Variants in NDST4 observed in about 807,000 individuals in gnomAD.
NDST4 encodes the protein N-heparan sulfate sulfotransferase 4.
Under a neutral mutation model 100.8 loss-of-function variants are expected in NDST4, and 63 were observed. The ratio of observed to expected loss-of-function variants is 0.62; its 90% CI spans 0.51 to 0.77. The LOEUF (loss-of-function observed/expected upper bound fraction) is 0.77, where lower values mean the gene tolerates loss of function less well. Ranked by LOEUF, NDST4 falls within the 30% of genes least tolerant of loss-of-function variation. The pLI, the probability that NDST4 is intolerant of heterozygous loss-of-function variation, is 0.00. For synonymous variants in NDST4, 377 were observed against 361.8 expected (o/e 1.04, Z -0.48); for missense variants, 943 against 1,018.4 (o/e 0.93, Z 1.01).
intron 2 of NDST4, among the ~76,000 whole-genome samples, chr4:115,030,341 T>A (rs2126269381): frequency 6.6e-6 from 1 of 152,250 alleles, no homozygotes; most frequent in East Asian, 1.9e-4. Context: ...TTTATTCTGT[T>A]AATACTGAGC....
chr4:114,953,561 T>G (rs762311514), intron 4 of NDST4, among the ~76,000 whole-genome samples: 40 of 152,272 alleles, frequency 2.6e-4, no homozygotes, highest in Non-Finnish European at 4.7e-4. Context: ...AGTGAAATCA[T>G]TCATATTAAC....
chr4:115,072,465 G>A (rs2126288156), intron 2 of NDST4, among the ~76,000 whole-genome samples: 1 of 152,060 alleles, frequency 6.6e-6, no homozygotes, highest in South Asian at 2.1e-4. Flanking sequence ...AATCACAACA[G>A]CATGATACTA....
chr4:114,962,673 A>G (rs942952541), intron 4 of NDST4, among the ~76,000 whole-genome samples: 1 of 152,094 alleles, frequency 6.6e-6, no homozygotes, highest in Non-Finnish European at 1.5e-5. Context: ...GACCCAAATA[A>G]ATGAAAAGAC....
intron 2 of NDST4, among the ~76,000 whole-genome samples, chr4:115,023,487 A>G (rs1348303476): frequency 1.9e-5 from 1 of 53,062 alleles, no homozygotes; most frequent in Non-Finnish European, 3.1e-5. Context: ...TTCCATCTCA[A>G]AAAAAAAAAA....
chr4:114,940,184 A>G (rs1725718447), intron 4 of NDST4, among the ~76,000 whole-genome samples: 1 of 152,254 alleles, frequency 6.6e-6, no homozygotes, highest in Non-Finnish European at 1.5e-5. Flanking sequence ...TGTCTCTTAC[A>G]GGATCTATGG....
chr4:115,061,433 C>G (rs2126283514), intron 2 of NDST4, among the ~76,000 whole-genome samples: 1 of 152,176 alleles, frequency 6.6e-6, no homozygotes, highest in African/African-American at 2.4e-5. Context: ...CCATGGAATA[C>G]TATGCAGCCA....
At position 114,833,836 on chromosome 4, in the gene NDST4, C is replaced by T; in HGVS notation, c.2287-121G>A. Reference sequence around the variant, plus strand: ...TCAGTGTGAATAGGAAGCAAATATGCCCTACTTAGAATACATCCGAATGTT... The same window carrying T: ...TCAGTGTGAATAGGAAGCAAATATGTCCTACTTAGAATACATCCGAATGTT... On this transcript the variant is annotated intron_variant, in intron 11 of 13. Coordinates refer to ENST00000264363, the MANE Select transcript of NDST4 (RefSeq NM_022569.3). The T allele has an allele frequency of 4.9e-6, 3 of 606,990 alleles. No individual in the cohort carries two copies. In the East Asian group the frequency reaches 8.7e-5, roughly 18 times the overall value. The allele number at this position is 606,990 out of a possible 1,614,324, so 37.6% of individuals were successfully genotyped here. A position where few individuals can be genotyped will look rare whatever the true frequency, so the allele number is the denominator to read the frequency against.
rs199520790 is a variant in NDST4 at position 114,925,996 on chromosome 4, AG to A, written c.1536+9209del. Among the ~76,000 whole-genome samples, 1,109 of 152,268 alleles carry A rather than the reference AG, an allele frequency of 7.3e-3. 11 individuals carry two copies. Among genetic ancestry groups the A allele is most frequent in the African/African-American group, 0.025 (1,052 of 41,568 alleles). On this transcript the variant is annotated intron_variant, in intron 6 of 13. Coordinates refer to ENST00000264363, the MANE Select transcript of NDST4 (RefSeq NM_022569.3). ...TATTTTCAGTTGCTGCATATTTTATAGGGTAGTGTCTCAACTTGAATGATGG... is the reference window on the plus strand; with the variant it reads ...TATTTTCAGTTGCTGCATATTTTATAGGTAGTGTCTCAACTTGAATGATGG...
chr4:115,099,998 C>A (rs910260372), intron 1 of NDST4, among the ~76,000 whole-genome samples: 1 of 152,044 alleles, frequency 6.6e-6, no homozygotes, highest in Admixed American at 6.6e-5. Flanking sequence ...AATGATCTAT[C>A]AAGCCACAGA....
intron 2 of NDST4, among the ~76,000 whole-genome samples, chr4:114,986,426 A>T (rs1354845299): frequency 6.6e-6 from 1 of 152,110 alleles, no homozygotes; most frequent in East Asian, 1.9e-4. Context: ...CACTGATTTT[A>T]GTCCACTCTG....
At chr4:114,909,709 T>C (rs989073237) in intron 6 of NDST4, among the ~76,000 whole-genome samples, 2 of 144,744 alleles carry the variant, frequency 1.4e-5, no homozygotes, top group African/African-American at 2.7e-5. Context: ...ATTATTAATA[T>C]AGATTAATTC....
At chr4:114,844,490 A>C (rs552885681) in intron 10 of NDST4, among the ~76,000 whole-genome samples, 1 of 152,332 alleles carries the variant, frequency 6.6e-6, no homozygotes, top group East Asian at 1.9e-4. Context: ...CAATGCGTTT[A>C]ACATATACTG....
At chr4:114,974,069 A>C (rs1266926921) in intron 3 of NDST4, among the ~76,000 whole-genome samples, 2 of 152,002 alleles carry the variant, frequency 1.3e-5, no homozygotes, top group African/African-American at 4.8e-5. Flanking sequence ...ATTAATAATA[A>C]ACATTTACAT....
intron 2 of NDST4, among the ~76,000 whole-genome samples, chr4:115,074,834 T>A (rs963237620): frequency 4.6e-5 from 7 of 152,148 alleles, no homozygotes; most frequent in African/African-American, 1.7e-4. Context: ...GTCGATAACA[T>A]CTTAACACTC....
chr4:114,973,467 T>C (rs1002921636), intron 3 of NDST4, among the ~76,000 whole-genome samples: 1 of 151,930 alleles, frequency 6.6e-6, no homozygotes, highest in Non-Finnish European at 1.5e-5. Flanking sequence ...ACCTTTCACT[T>C]CTAATCTGAT....
chr4:114,910,055 T>G (rs1317539198), intron 6 of NDST4, among the ~76,000 whole-genome samples: 2 of 152,080 alleles, frequency 1.3e-5, no homozygotes, highest in Non-Finnish European at 2.9e-5. Flanking sequence ...TTCTTTATCA[T>G]CCAAAACGCC....
At chr4:115,112,200 G>GAAAAA (rs796142657) in intron 1 of NDST4, among the ~76,000 whole-genome samples, 1 of 124,386 alleles carries the variant, frequency 8.0e-6, no homozygotes. Flanking sequence ...CTTTTGATAT[G>GAAAAA]AAAAAAAAAA....
intron 8 of NDST4, among the ~76,000 whole-genome samples, chr4:114,850,732 G>C (rs1350378349): frequency 6.6e-6 from 1 of 152,160 alleles, no homozygotes; most frequent in African/African-American, 2.4e-5. Context: ...TGTGAACACT[G>C]ATCTTCTGAA....
At position 114,890,139 on chromosome 4, in the gene NDST4, A is replaced by T. The variant is rs747858310; in HGVS notation, c.1537-19189T>A. ...ACCATGGAAATTGTTAGTAGTTAAC[A>T]ATGGAAATTGTTAGTAGTTAACAAT... is the stretch of plus-strand genomic sequence containing the variant. On this transcript the variant is annotated intron_variant, in intron 6 of 13. Transcript: ENST00000264363. Among the ~76,000 whole-genome samples the T allele has an allele frequency of 4.0e-5, 6 of 150,990 alleles. No homozygotes were observed. The East Asian group carries it at 1.2e-3, about 29-fold the overall frequency.
Sources: allele counts gnomAD v4.1 joint callset (sites outside exome capture counted in the v4.1 genomes callset), GRCh38; gene constraint gnomAD v4.1.1; transcripts MANE v1.5; gene names NCBI Gene and HGNC (gene_info 2026-07-23, HGNC 2026-07-21).